ERC2: variants seen among roughly 807,000 people sequenced by gnomAD.
The protein encoded by ERC2 is ERC protein 2.
A neutral mutation model predicts 114.8 loss-of-function variants in ERC2; 42 were observed. The observed-to-expected ratio is 0.37, with a 90% confidence interval of 0.29 to 0.47. The LOEUF (loss-of-function observed/expected upper bound fraction) is 0.47. Ranked by LOEUF, ERC2 falls within the 20% of genes least tolerant of loss-of-function variation. The probability of loss-of-function intolerance (pLI) is 0.99; values close to 1 mark genes in which losing one functional copy is unlikely to be tolerated. For synonymous variants in ERC2, 454 were observed against 425.5 expected (o/e 1.07, Z -0.82); for missense variants, 939 against 1,150.7 (o/e 0.82, Z 2.66).
intron 2 of ERC2, among the ~76,000 whole-genome samples, chr3:56,383,693 T>A (rs138996863): frequency 6.6e-6 from 1 of 152,274 alleles, no homozygotes; most frequent in East Asian, 1.9e-4. Context: ...AAGATACACA[T>A]AACCTGAAAT....
rs375498602 is a variant in ERC2, at chr3:55,524,251, G to A, written c.*40-12975C>T. On this transcript the variant is annotated intron_variant, in intron 17 of 17. Transcript: ENST00000288221. ...CCTGAGTGCAGAAATAACCACAGTG[G>A]GGTGTTCATGCCCAGGTTATGTATG... 1.5e-3 allele frequency among the ~76,000 whole-genome samples: 223 copies of A among 152,304 alleles called. 2 individuals carry two copies. Among genetic ancestry groups the A allele is most frequent in the African/African-American group, 5.1e-3 (213 of 41,562 alleles).
chr3:56,257,165 G>A (rs773176233), intron 3 of ERC2, among the ~76,000 whole-genome samples: 2 of 152,066 alleles, frequency 1.3e-5, no homozygotes. Flanking sequence ...CTAGGTTTTC[G>A]ATTCCAGGTG....
In ERC2 at chr3:56,152,468, A is replaced by G. The variant is rs1208848314; in HGVS notation, c.1150-3336T>C. ...TCAGCCTGCCAGCTTCTGTCACTCA[A>G]AAGTGGTTTACTGAGCTCCTGTTCT... On this transcript the variant is annotated intron_variant, in intron 4 of 17. Transcript: ENST00000288221. 3.3e-5 allele frequency among the ~76,000 whole-genome samples: 5 copies of G among 152,048 alleles called. No homozygotes were observed. The East Asian group carries it at 7.7e-4, about 24-fold the overall frequency.
At chr3:56,447,160 C>A (rs1026442554) in intron 1 of ERC2, among the ~76,000 whole-genome samples, 1 of 152,258 alleles carries the variant, frequency 6.6e-6, no homozygotes, top group Non-Finnish European at 1.5e-5. Flanking sequence ...GCTACACCCC[C>A]ACATGGCACA....
chr3:55,909,906 C>A lies in ERC2; in HGVS notation c.2404-21357G>T, dbSNP rs182567256. On this transcript the variant is annotated intron_variant, in intron 13 of 17. Transcript: ENST00000288221. ...TGGGATAAATTTGGCCAATGATAAT[C>A]ATTTACGTGGAAAAATATTTATATT... Among the ~76,000 whole-genome samples, 38 of 152,236 alleles carry A rather than the reference C, an allele frequency of 2.5e-4. No individual in the cohort carries two copies. In the Middle Eastern group the frequency reaches 0.01, roughly 41 times the overall value.
intron 4 of ERC2, among the ~76,000 whole-genome samples, chr3:56,153,318 C>T (rs748346908): frequency 1.3e-5 from 2 of 152,128 alleles, no homozygotes; most frequent in Non-Finnish European, 2.9e-5. Flanking sequence ...GGTCACAGAT[C>T]AGCGGCACTG....
intron 6 of ERC2, among the ~76,000 whole-genome samples, chr3:56,098,110 T>A (rs1043679539): frequency 4.6e-5 from 7 of 152,136 alleles, no homozygotes; most frequent in African/African-American, 1.7e-4. Context: ...CAAAGGGGGA[T>A]GAATATGTCT....
chr3:56,212,139 A>C (rs1383307871), intron 3 of ERC2, among the ~76,000 whole-genome samples: 1 of 151,616 alleles, frequency 6.6e-6, no homozygotes, highest in Non-Finnish European at 1.5e-5. Context: ...AAAAGTAATA[A>C]AGAAAACAGA....
chr3:55,929,783 A>G (rs949606260), intron 13 of ERC2, among the ~76,000 whole-genome samples: 1 of 152,120 alleles, frequency 6.6e-6, no homozygotes, highest in African/African-American at 2.4e-5. Flanking sequence ...AGTGTGTAGC[A>G]CTGTCCCCTT....
chr3:56,455,453 C>T (rs1326773308), intron 1 of ERC2, among the ~76,000 whole-genome samples: 1 of 152,138 alleles, frequency 6.6e-6, no homozygotes, highest in Non-Finnish European at 1.5e-5. Flanking sequence ...TTCCCTGTCT[C>T]ATATCCTCAT....
chr3:55,729,148 A>G (rs2065094797), intron 15 of ERC2, among the ~76,000 whole-genome samples: 1 of 151,784 alleles, frequency 6.6e-6, no homozygotes, highest in Admixed American at 6.6e-5. Flanking sequence ...AGAATACACC[A>G]CTCTTAGCAG....
chr3:56,274,233 C>T (rs2053845454), intron 3 of ERC2, among the ~76,000 whole-genome samples: 1 of 152,170 alleles, frequency 6.6e-6, no homozygotes, highest in African/African-American at 2.4e-5. Context: ...ATCTAGGCTG[C>T]ATGCTACTTA....
intron 14 of ERC2, among the ~76,000 whole-genome samples, chr3:55,766,211 T>A (rs2067773782): frequency 6.6e-6 from 1 of 151,368 alleles, no homozygotes; most frequent in Admixed American, 6.6e-5. Context: ...AGCTGCCCAT[T>A]TGGAGAGGGG....
At chr3:55,539,067 A>G (rs2054191345) in intron 17 of ERC2, among the ~76,000 whole-genome samples, 1 of 152,242 alleles carries the variant, frequency 6.6e-6, no homozygotes, top group African/African-American at 2.4e-5. Flanking sequence ...GAAAAAACAT[A>G]AGCTGAGAAA....
chr3:56,342,517 A>AAGG (rs1345442933), intron 2 of ERC2, among the ~76,000 whole-genome samples: 2 of 152,204 alleles, frequency 1.3e-5, no homozygotes, highest in Non-Finnish European at 2.9e-5. Context: ...CAGACTTCTG[A>AAGG]AGAACCCATG....
At chr3:55,921,659 A>T (rs112323014) in intron 13 of ERC2, among the ~76,000 whole-genome samples, 3,059 of 152,296 alleles carry the variant, frequency 0.02, 47 homozygotes, top group Middle Eastern at 0.068. Context: ...CACAAAAATG[A>T]AAAAGAACTA....
chr3:55,936,467 T>C (rs1424489032), intron 13 of ERC2, among the ~76,000 whole-genome samples: 1 of 152,056 alleles, frequency 6.6e-6, no homozygotes, highest in Non-Finnish European at 1.5e-5. Flanking sequence ...TTTTAGGCTG[T>C]GATATAAGTG....
chr3:55,533,327 G>T (rs1173449231), intron 17 of ERC2, among the ~76,000 whole-genome samples: 5 of 152,118 alleles, frequency 3.3e-5, no homozygotes, highest in African/African-American at 1.2e-4. Flanking sequence ...TTCTAACCAG[G>T]GCTCATGACC....
intron 3 of ERC2, among the ~76,000 whole-genome samples, chr3:56,221,864 T>A (rs2150151585): frequency 6.6e-6 from 1 of 151,838 alleles, no homozygotes; most frequent in African/African-American, 2.4e-5. Context: ...GCCACTGCAC[T>A]CCAGCCTGGG....
Sources: gnomAD v4.1 joint callset for allele counts (sites outside exome capture counted in the v4.1 genomes callset) on GRCh38, gnomAD v4.1.1 for gene constraint, MANE v1.5 for transcripts, NCBI Gene and HGNC (gene_info 2026-07-23, HGNC 2026-07-21) for gene names.